The following CCSER1 variants were observed in gnomAD, a reference collection of about 807,000 sequenced individuals.
The protein encoded by CCSER1 is serine-rich coiled-coil domain-containing protein 1.
In CCSER1, 41 loss-of-function variants were observed where a neutral mutation model predicts 82.0. That is an observed-to-expected ratio of 0.50 (90% CI 0.39 to 0.65). The LOEUF (loss-of-function observed/expected upper bound fraction) is 0.65. Among genes scored for constraint, CCSER1 ranks in the 30% least tolerant of loss-of-function variants. The pLI is 0.00. For synonymous variants in CCSER1, 414 were observed against 383.9 expected (o/e 1.08, Z -0.92); for missense variants, 1,119 against 1,064.2 (o/e 1.05, Z -0.72).
chr4:91,369,545 C>A (rs982099619), intron 10 of CCSER1, among the ~76,000 whole-genome samples: 2 of 150,562 alleles, frequency 1.3e-5, no homozygotes, highest in South Asian at 4.2e-4. Context: ...ACAAAGTAGT[C>A]GTTTTCATAA....
intron 10 of CCSER1, among the ~76,000 whole-genome samples, chr4:91,486,561 G>A (rs1026099945): frequency 6.6e-6 from 1 of 151,998 alleles, no homozygotes; most frequent in Non-Finnish European, 1.5e-5. Flanking sequence ...GTGCCCATGG[G>A]TTCTGCATCC....
At chr4:90,693,340 T>C (rs1736374863) in intron 6 of CCSER1, 1 of 151,932 alleles carries the variant, frequency 6.6e-6, no homozygotes, top group South Asian at 2.1e-4. Flanking sequence ...ATAGTAATGG[T>C]TTAAAACAAT....
intron 1 of CCSER1, among the ~76,000 whole-genome samples, chr4:90,162,263 G>C (rs1026277222): frequency 6.6e-6 from 1 of 152,054 alleles, no homozygotes; most frequent in African/African-American, 2.4e-5. Flanking sequence ...CCTGTAGGCT[G>C]TTCCTAACTG....
chr4:90,525,183 C>T (rs1045865850), intron 5 of CCSER1, among the ~76,000 whole-genome samples: 3 of 151,978 alleles, frequency 2.0e-5, no homozygotes, highest in African/African-American at 7.2e-5. Flanking sequence ...AAAAACAGTG[C>T]TTAAAATCAG....
rs540269493 is a variant in CCSER1, at chr4:90,578,745, T to C, written c.1725-49280T>C. The stretch of plus-strand genomic sequence containing the variant: ...GACATGGCCATATTTGGGGGGGCCA[T>C]TGTTCTGCCTGTAAAAGTATCTAGG... On this transcript the variant is annotated intron_variant, in intron 5 of 10. Coordinates refer to ENST00000509176, the MANE Select transcript of CCSER1 (RefSeq NM_001145065.2). Among the ~76,000 whole-genome samples the C allele has an allele frequency of 3.9e-5, 6 of 152,272 alleles. No homozygotes were observed. In the East Asian group the frequency reaches 1.2e-3, roughly 29 times the overall value.
chr4:90,921,848 A>G lies in CCSER1; in HGVS notation c.2095-1522A>G, dbSNP rs1222722764. ...AATCTATCTCAAAAGTAGATAATCA[A>G]ACTTTTGTAAATAACCTTTCAATGA... On this transcript the variant is annotated intron_variant, in intron 8 of 10. Coordinates refer to ENST00000509176, the MANE Select transcript of CCSER1 (RefSeq NM_001145065.2). Among the ~76,000 whole-genome samples the G allele has an allele frequency of 5.9e-5, 9 of 152,094 alleles. No homozygotes were observed. In the East Asian group the frequency reaches 1.7e-3, roughly 29 times the overall value.
chr4:90,342,442 A>G (rs1175817501), intron 3 of CCSER1, among the ~76,000 whole-genome samples: 3 of 152,180 alleles, frequency 2.0e-5, no homozygotes, highest in Admixed American at 2.0e-4. Context: ...CTTTCTCAGA[A>G]AGTAATCATG....
chr4:90,734,316 G>A (rs1436591899), intron 7 of CCSER1, among the ~76,000 whole-genome samples: 2 of 151,804 alleles, frequency 1.3e-5, no homozygotes, highest in South Asian at 2.1e-4. Flanking sequence ...TAGTAGAGAC[G>A]GGGTTTCACT....
intron 5 of CCSER1, among the ~76,000 whole-genome samples, chr4:90,598,770 A>G (rs1049047026): frequency 2.0e-5 from 3 of 151,976 alleles, no homozygotes; most frequent in African/African-American, 7.3e-5. Context: ...TCAGGTGTCT[A>G]CCTCACTGGG....
intron 1 of CCSER1, among the ~76,000 whole-genome samples, chr4:90,151,096 T>A (rs1726754297): frequency 6.6e-6 from 1 of 152,066 alleles, no homozygotes; most frequent in Non-Finnish European, 1.5e-5. Flanking sequence ...AGAAAAGCTG[T>A]CAAAGCAATT....
rs76819176 is a variant in CCSER1, at chr4:91,282,564, A to G, written c.2217+196570A>G. On this transcript the variant is annotated intron_variant, in intron 10 of 10. Transcript: ENST00000509176. ...TACCCCAGGGAAATTCCAATAGACC[A>G]TAACCTCTCCCTAAATAGATTAGAG... 7.4e-3 allele frequency among the ~76,000 whole-genome samples: 1,128 copies of G among 152,308 alleles called. 40 individuals carry two copies. The East Asian group carries it at 0.11, about 15-fold the overall frequency.
At chr4:91,049,336 C>A (rs1742801097) in intron 9 of CCSER1, among the ~76,000 whole-genome samples, 1 of 152,092 alleles carries the variant, frequency 6.6e-6, no homozygotes, top group South Asian at 2.1e-4. Context: ...CTTTACATGT[C>A]ACATGCTTGT....
chr4:91,184,742 T>C (rs930672204), intron 10 of CCSER1, among the ~76,000 whole-genome samples: 2 of 152,220 alleles, frequency 1.3e-5, no homozygotes, highest in Non-Finnish European at 2.9e-5. Context: ...AGGAACTTTG[T>C]TTTTCCCCTT....
In CCSER1 at chr4:91,599,642, G is replaced by A. The variant is rs1264377464; in HGVS notation, c.*585G>A. ...GCTCATCTTGTGATACTAGTAAGGGGGAAATGGCTGTATTTTTTTTCCTTT... is the reference window on the plus strand; with the variant it reads ...GCTCATCTTGTGATACTAGTAAGGGAGAAATGGCTGTATTTTTTTTCCTTT... On this transcript the variant is annotated 3_prime_UTR_variant, in exon 11 of 11. Transcript: ENST00000509176. 2 of 152,036 alleles carry A rather than the reference G, an allele frequency of 1.3e-5. No individual in the cohort carries two copies. The highest frequency in any genetic ancestry group is 2.4e-5 in the African/African-American group (1 of 41,404). 9.4% of individuals were successfully genotyped at this position (152,036 alleles called of 1,614,324 possible). A position where few individuals can be genotyped will look rare whatever the true frequency, so the allele number is the denominator to read the frequency against.
At chr4:90,430,858 G>A (rs1758177942) in intron 4 of CCSER1, among the ~76,000 whole-genome samples, 1 of 151,842 alleles carries the variant, frequency 6.6e-6, no homozygotes, top group East Asian at 1.9e-4. Flanking sequence ...TGTAATGCTG[G>A]CTTAAAAAGG....
At chr4:90,908,663 T>A (rs1024484667) in intron 8 of CCSER1, among the ~76,000 whole-genome samples, 1 of 152,122 alleles carries the variant, frequency 6.6e-6, no homozygotes, top group Non-Finnish European at 1.5e-5. Flanking sequence ...CTGATTCTTT[T>A]AAAATCCATT....
intron 4 of CCSER1, among the ~76,000 whole-genome samples, chr4:90,446,250 C>T (rs2153575615): frequency 6.6e-6 from 1 of 152,234 alleles, no homozygotes; most frequent in South Asian, 2.1e-4. Flanking sequence ...TTGTAATTAA[C>T]ATATTAAAAA....
chr4:90,323,325 A>G (rs894712252), intron 3 of CCSER1, among the ~76,000 whole-genome samples: 1 of 152,222 alleles, frequency 6.6e-6, no homozygotes, highest in Non-Finnish European at 1.5e-5. Flanking sequence ...GATTTGCCCA[A>G]GGACTGAAGT....
chr4:90,305,843 A>G (rs934917328), intron 1 of CCSER1, among the ~76,000 whole-genome samples: 1 of 152,328 alleles, frequency 6.6e-6, no homozygotes, highest in Middle Eastern at 3.4e-3. Context: ...TAGCCAAACA[A>G]TTGAAATCAG....
Sources: allele counts gnomAD v4.1 joint callset (sites outside exome capture counted in the v4.1 genomes callset), GRCh38; gene constraint gnomAD v4.1.1; transcripts MANE v1.5; gene names NCBI Gene and HGNC (gene_info 2026-07-23, HGNC 2026-07-21).